Variants in BCAT1 observed in about 807,000 individuals in gnomAD.
The protein encoded by BCAT1 is branched chain amino acid transaminase 1, also known as branched-chain-amino-acid aminotransferase, cytosolic.
BCAT1 carries 48 observed loss-of-function variants against 52.4 expected under a neutral mutation model. The ratio of observed to expected loss-of-function variants is 0.92; its 90% CI spans 0.73 to 1.16. The LOEUF is 1.16. BCAT1 is among the 50% of genes most tolerant of loss of function. BCAT1 has a pLI of 0.00. For synonymous variants in BCAT1, 167 were observed against 161.3 expected (o/e 1.04, Z -0.27); for missense variants, 451 against 457.1 (o/e 0.99, Z 0.12).
At chr12:24,836,677 A>G (rs1367818047) in intron 7 of BCAT1, 81 bp from the exon 8 acceptor site, 2 of 1,213,014 alleles carry the variant, frequency 1.6e-6, no homozygotes, top group African/African-American at 1.5e-5. Flanking sequence ...TTTTTAAAAA[A>G]CCATCACAAT....
In BCAT1 at chr12:24,829,746, T is replaced by C. The variant is rs2306766; in HGVS notation, c.1119+77A>G. 3.7e-4 allele frequency: 437 copies of C among 1,175,928 alleles called. 2 individuals are homozygous for C. In the East Asian group the frequency reaches 9.6e-3, roughly 26 times the overall value. The allele number at this position is 1,175,928 out of a possible 1,614,324, so 72.8% of individuals were successfully genotyped here. Reference sequence around the variant, plus strand: ...TCTTCATTGAAATATAATTTAGTTGTAAGCTCTGACAGAAATAAGGTGACA... The same window carrying C: ...TCTTCATTGAAATATAATTTAGTTGCAAGCTCTGACAGAAATAAGGTGACA... On this transcript the variant is annotated intron_variant, in intron 10 of 10. Transcript: ENST00000261192.
intron 1 of BCAT1, among the ~76,000 whole-genome samples, chr12:24,919,895 G>A (rs576323969): frequency 3.9e-5 from 6 of 152,216 alleles, no homozygotes; most frequent in South Asian, 4.1e-4. Flanking sequence ...AACCCCTTTC[G>A]CTTGGTTCTC....
In BCAT1 at chr12:24,814,858, G is replaced by T. The variant is rs1314798879; in HGVS notation, c.*3150C>A. ...TTCTTACAGCAATCTTTTGAGAAAA[G>T]AATAGAGAATGTTTACCAGGTAGAA... On this transcript the variant is annotated 3_prime_UTR_variant, in exon 11 of 11. Transcript: ENST00000261192. The T allele has an allele frequency of 7.9e-6, 1 of 126,740 alleles. No individual in the cohort carries two copies. Among genetic ancestry groups the T allele is most frequent in the Non-Finnish European group, 1.6e-5 (1 of 62,550 alleles). 7.9% of individuals were successfully genotyped at this position (126,740 alleles called of 1,614,324 possible).
intron 2 of BCAT1, among the ~76,000 whole-genome samples, chr12:24,897,853 A>C (rs10219671): frequency 0.21 from 32,679 of 152,006 alleles, 3,578 homozygotes; most frequent in Middle Eastern, 0.29. Flanking sequence ...CGCGCCCGGC[A>C]TATATCCAGT....
intron 5 of BCAT1, among the ~76,000 whole-genome samples, chr12:24,860,013 A>AAAC (rs1941810681): frequency 6.6e-6 from 1 of 152,250 alleles, no homozygotes; most frequent in Non-Finnish European, 1.5e-5. Context: ...AGTAATAATT[A>AAAC]TAACTGTTAT....
chr12:24,866,455 C>T (rs770258596), intron 5 of BCAT1, among the ~76,000 whole-genome samples: 5 of 152,202 alleles, frequency 3.3e-5, no homozygotes, highest in Non-Finnish European at 7.4e-5. Flanking sequence ...TGCCTGGTCC[C>T]ATCAACAGCC....
chr12:24,880,914 C>T (rs11835201), intron 4 of BCAT1, among the ~76,000 whole-genome samples: 3,881 of 151,902 alleles, frequency 0.026, 139 homozygotes, highest in African/African-American at 0.089. Flanking sequence ...TCTTGGCTCA[C>T]TGCAGCCTCC....
intron 2 of BCAT1, among the ~76,000 whole-genome samples, chr12:24,894,861 A>T (rs1757204782): frequency 6.6e-6 from 1 of 152,234 alleles, no homozygotes; most frequent in South Asian, 2.1e-4. Flanking sequence ...ACTCACAATG[A>T]TTTGTTAAAC....
At chr12:24,922,434 A>G (rs1047554938) in intron 1 of BCAT1, among the ~76,000 whole-genome samples, 1 of 152,128 alleles carries the variant, frequency 6.6e-6, no homozygotes, top group Non-Finnish European at 1.5e-5. Context: ...ATTTCACCAT[A>G]TTTTTCATAC....
intron 1 of BCAT1, among the ~76,000 whole-genome samples, chr12:24,918,257 G>A (rs1382357405): frequency 6.6e-6 from 1 of 152,174 alleles, no homozygotes; most frequent in Non-Finnish European, 1.5e-5. Context: ...AGACACTGCA[G>A]AGTAGAGCTA....
chr12:24,853,505 A>ACTT (rs1237698974), intron 5 of BCAT1, among the ~76,000 whole-genome samples: 1 of 152,226 alleles, frequency 6.6e-6, no homozygotes, highest in African/African-American at 2.4e-5. Flanking sequence ...TACGTTCACT[A>ACTT]CTTGGGCAAT....
upstream of BCAT1, chr12:24,949,302 C>T (rs1591901439): frequency 6.4e-6 from 2 of 314,570 alleles, no homozygotes; most frequent in Non-Finnish European, 5.9e-6. Context: ...AAGCAAATGA[C>T]ACGGTTACCC....
At chr12:24,918,224 G>A (rs1284298036) in intron 1 of BCAT1, among the ~76,000 whole-genome samples, 1 of 152,188 alleles carries the variant, frequency 6.6e-6, no homozygotes, top group African/African-American at 2.4e-5. Context: ...AGTTTATACA[G>A]CAGGTATATA....
rs1939810471 is a variant in BCAT1 at position 24,814,733 on chromosome 12, C to T, written c.*3275G>A. On this transcript the variant is annotated 3_prime_UTR_variant, in exon 11 of 11. Coordinates refer to ENST00000261192, the MANE Select transcript of BCAT1 (RefSeq NM_005504.7). Reference sequence around the variant, plus strand: ...TTTCCCATGTCTTCAAGAGAGCTGACATTGCATGTTACCATCTAGCTGATG... The same window carrying T: ...TTTCCCATGTCTTCAAGAGAGCTGATATTGCATGTTACCATCTAGCTGATG... The T allele has an allele frequency of 6.6e-6, 1 of 150,762 alleles. No individual in the cohort carries two copies. The highest frequency in any genetic ancestry group is 2.4e-5 in the African/African-American group (1 of 41,026). The allele number at this position is 150,762 out of a possible 1,614,324, so 9.3% of individuals were successfully genotyped here.
At chr12:24,878,232 G>T (rs1234593724) in intron 5 of BCAT1, among the ~76,000 whole-genome samples, 1 of 151,566 alleles carries the variant, frequency 6.6e-6, no homozygotes, top group Non-Finnish European at 1.5e-5. Flanking sequence ...CTTAATAAAC[G>T]TCTTAGTATT....
intron 1 of BCAT1, among the ~76,000 whole-genome samples, chr12:24,917,906 C>T (rs906260194): frequency 2.6e-5 from 4 of 152,204 alleles, no homozygotes; most frequent in African/African-American, 7.2e-5. Context: ...GAACTCTTAA[C>T]TCTTATCCAG....
intron 1 of BCAT1, among the ~76,000 whole-genome samples, chr12:24,922,678 C>G (rs539821564): frequency 6.6e-6 from 1 of 152,096 alleles, no homozygotes; most frequent in African/African-American, 2.4e-5. Context: ...CAAGACCATC[C>G]TGGCCAACAT....
intron 5 of BCAT1, among the ~76,000 whole-genome samples, chr12:24,874,573 G>A (rs1320814709): frequency 6.6e-6 from 1 of 152,160 alleles, no homozygotes; most frequent in African/African-American, 2.4e-5. Context: ...TTCCACTTTG[G>A]TGCCATTAAA....
intron 1 of BCAT1, among the ~76,000 whole-genome samples, chr12:24,914,199 C>T (rs7309420): frequency 1.4e-3 from 214 of 151,926 alleles, no homozygotes; most frequent in African/African-American, 4.8e-3. Context: ...CTCCCACATC[C>T]ACCTCCCGAG....
Sources: gnomAD v4.1 joint callset for allele counts (sites outside exome capture counted in the v4.1 genomes callset) on GRCh38, gnomAD v4.1.1 for gene constraint, MANE v1.5 for transcripts, NCBI Gene and HGNC (gene_info 2026-07-23, HGNC 2026-07-21) for gene names.